SLC25A14: variants seen among roughly 807,000 people sequenced by gnomAD.
SLC25A14 encodes the protein solute carrier family 25 member 14, also known as brain mitochondrial carrier protein 1.
A neutral mutation model predicts 28.1 loss-of-function variants in SLC25A14; 8 were observed. The observed-to-expected ratio is 0.28, with a 90% CI of 0.17 to 0.51. SLC25A14 has a LOEUF of 0.51. Ranked by LOEUF, SLC25A14 falls within the 20% of genes least tolerant of loss-of-function variation. SLC25A14 has a pLI of 0.97. For synonymous variants in SLC25A14, 74 were observed against 90.6 expected (o/e 0.82, Z 1.04); for missense variants, 135 against 263.8 (o/e 0.51, Z 3.38).
At chrX:130,354,413 G>A (rs765560247) in intron 6 of SLC25A14, among the ~76,000 whole-genome samples, 1 of 112,094 alleles carries the variant, frequency 8.9e-6, no homozygotes, top group Non-Finnish European at 1.9e-5. Context: ...GTGCCCGACC[G>A]CCTTTTTCAT....
intron 6 of SLC25A14, 73 bp downstream of exon 6, chrX:130,350,804 CACTTGCCAGCTGTAGA>C (rs779024534): frequency 3.3e-4 from 191 of 583,347 alleles, no homozygotes; most frequent in East Asian, 8.6e-4. Context: ...CCCACTCTGT[CACTTGCCAGCTGTAGA>C]ACCTTGGGCA....
chrX:130,349,044 A>G (rs2033543965), intron 4 of SLC25A14, among the ~76,000 whole-genome samples: 1 of 109,733 alleles, frequency 9.1e-6, no homozygotes, highest in Non-Finnish European at 1.9e-5. Context: ...AACATATTGT[A>G]TATGATTTCA....
intron 2 of SLC25A14, among the ~76,000 whole-genome samples, chrX:130,343,000 T>A (rs2033313086): frequency 9.0e-6 from 1 of 111,483 alleles, no homozygotes; most frequent in African/African-American, 3.3e-5. Context: ...CTTCCTGCCA[T>A]GTCCTCCCTG....
intron 9 of SLC25A14, among the ~76,000 whole-genome samples, chrX:130,366,203 T>C (rs1054722583): frequency 8.9e-6 from 1 of 112,546 alleles, no homozygotes; most frequent in Admixed American, 9.4e-5. Flanking sequence ...TCTCCTGTTA[T>C]CAGTTTTGTT....
chrX:130,343,591 A>G (rs1214940371), intron 2 of SLC25A14, among the ~76,000 whole-genome samples: 2 of 109,009 alleles, frequency 1.8e-5, no homozygotes, highest in Non-Finnish European at 3.8e-5. Context: ...GGAAAATTGT[A>G]TTTTGCTTAG....
Position 130,346,642 on chromosome X carries a change from G to A in SLC25A14, c.268G>A (p.Ala90Thr), listed in dbSNP as rs780494499. ...GATAAAATATAGAGGGATGTTCCAT[G>A]CGCTGTTTCGCATCTGTAAAGAGGA... is the stretch of plus-strand genomic sequence containing the variant. ...KEIKYRGMFH[A>T]LFRICKEEGV... Residue 90 changes from alanine (A) to threonine (T), a missense_variant, in exon 4 of 11, where the codon GCG becomes ACG. Physicochemically the swap from Ala to Thr is moderately conservative, Grantham distance 58. Coordinates refer to ENST00000545805, the MANE Select transcript of SLC25A14 (RefSeq NM_001282195.2). 1 of 1,208,044 alleles carries A rather than the reference G, an allele frequency of 8.3e-7. No individual in the cohort carries two copies. The highest frequency in any genetic ancestry group is 1.1e-6 in the Non-Finnish European group (1 of 892,303).
chrX:130,371,668 A>C (rs1242928872), intron 10 of SLC25A14, 24 bp downstream of exon 10: 2 of 1,066,464 alleles, frequency 1.9e-6, no homozygotes, highest in African/African-American at 3.7e-5. Context: ...GAATGAAAGC[A>C]AGTGCTTCAA....
At chrX:130,343,493 A>G (rs746140753) in intron 2 of SLC25A14, among the ~76,000 whole-genome samples, 1 of 111,939 alleles carries the variant, frequency 8.9e-6, no homozygotes, top group Non-Finnish European at 1.9e-5. Flanking sequence ...CCCAGACTCT[A>G]TATGTGCTAT....
Position 130,373,267 on chromosome X carries a change from G to T in SLC25A14, c.*317G>T. The T allele has an allele frequency of 4.1e-6, 1 of 243,326 alleles. No homozygotes were observed. The highest frequency in any genetic ancestry group is 7.1e-6 in the Non-Finnish European group (1 of 139,943). The allele number at this position is 243,326 out of a possible 1,213,427, so 20.1% of individuals were successfully genotyped here. ...GGTTAAATGTAATTGGTTAGCCCCA[G>T]ACTTGGGCTAGAGCAGAAGGCATAG... On this transcript the variant is annotated 3_prime_UTR_variant, in exon 11 of 11. Transcript: ENST00000545805.
intron 7 of SLC25A14, chrX:130,359,046 G>A: frequency 1.0e-6 from 1 of 1,001,268 alleles, no homozygotes; most frequent in South Asian, 2.0e-5. Context: ...TGTCTTTGTA[G>A]TGCTTATGTT....
rs1226547668 is a variant in SLC25A14 at position 130,372,463 on chromosome X, ATTTTTATTT to A, written c.937-440_937-432del. Among the ~76,000 whole-genome samples the A allele has an allele frequency of 5.4e-3, 533 of 97,834 alleles. 2 individuals carry two copies. The highest frequency in any genetic ancestry group is 0.02 in the African/African-American group (489 of 24,414). 85.0% of individuals were successfully genotyped at this position (97,834 alleles called of 115,157 possible). ...TGGTGTTTTATTTATTTATTTATTT[ATTTTTATTT>A]TTTTTTTTGAGATGGAGTCTTGCTC... On this transcript the variant is annotated intron_variant, in intron 10 of 10. Coordinates refer to ENST00000545805, the MANE Select transcript of SLC25A14 (RefSeq NM_001282195.2).
chrX:130,342,946 A>G (rs1039220855), intron 2 of SLC25A14, among the ~76,000 whole-genome samples: 3 of 110,305 alleles, frequency 2.7e-5, no homozygotes, highest in African/African-American at 9.9e-5. Flanking sequence ...TCATTAGGGA[A>G]CCACTGGGCT....
At chrX:130,365,413 G>A (rs2034091216) in intron 8 of SLC25A14, 128 bp from the exon 9 acceptor site, 3 of 1,045,472 alleles carry the variant, frequency 2.9e-6, no homozygotes, top group Admixed American at 4.0e-5. Flanking sequence ...AGATTGTAAC[G>A]AAAGGCCAAG....
At chrX:130,354,911 A>G (rs769002350) in intron 6 of SLC25A14, among the ~76,000 whole-genome samples, 1 of 112,152 alleles carries the variant, frequency 8.9e-6, no homozygotes, top group African/African-American at 3.2e-5. Flanking sequence ...TATCAAACCT[A>G]CATTCCAGCC....
chrX:130,371,692 T>G (rs1282001508), intron 10 of SLC25A14, 48 bp downstream of exon 10: 1 of 962,255 alleles, frequency 1.0e-6, no homozygotes, highest in Non-Finnish European at 1.5e-6. Flanking sequence ...CCCAGATAAT[T>G]CTAGGCTATG....
intron 1 of SLC25A14, 25 bp downstream of exon 1, chrX:130,340,001 AGGCTGGGGAGCGG>A: frequency 1.1e-6 from 1 of 935,039 alleles, no homozygotes; most frequent in Non-Finnish European, 1.3e-6. Flanking sequence ...CTGGACTTCC[AGGCTGGGGAGCGG>A]GGCTGGGCCG....
chrX:130,350,403 G>C (rs750852450), intron 5 of SLC25A14, among the ~76,000 whole-genome samples: 1 of 111,685 alleles, frequency 9.0e-6, no homozygotes, highest in South Asian at 3.7e-4. Flanking sequence ...AAAAGGACGT[G>C]TTCCAGTGTC....
chrX:130,358,073 T>C (rs745990394), intron 6 of SLC25A14, among the ~76,000 whole-genome samples: 2 of 112,302 alleles, frequency 1.8e-5, no homozygotes, highest in African/African-American at 6.5e-5. Context: ...TAGTTTTATA[T>C]GTTCACCTCG....
At chrX:130,358,971 T>A in intron 7 of SLC25A14, 1 of 960,288 alleles carries the variant, frequency 1.0e-6, no homozygotes, top group South Asian at 2.1e-5. Flanking sequence ...GTTTCGATCA[T>A]ATTCACAGTG....
Sources: allele counts gnomAD v4.1 joint callset (sites outside exome capture counted in the v4.1 genomes callset), GRCh38; gene constraint gnomAD v4.1.1; transcripts MANE v1.5; gene names NCBI Gene and HGNC (gene_info 2026-07-23, HGNC 2026-07-21).